The following NTRK2 variants were observed in gnomAD, a reference collection of about 807,000 sequenced individuals.
The protein encoded by NTRK2 is BDNF/NT-3 growth factors receptor.
In NTRK2, 13 loss-of-function variants were observed where a neutral mutation model predicts 94.5. The ratio of observed to expected loss-of-function variants is 0.14; its 90% confidence interval spans 0.09 to 0.22. The LOEUF (loss-of-function observed/expected upper bound fraction) is 0.22. Ranked by LOEUF, NTRK2 falls within the 10% of genes least tolerant of loss-of-function variation. The probability of loss-of-function intolerance (pLI) is 1.00; values close to 1 mark genes in which losing one functional copy is unlikely to be tolerated. For missense variants in NTRK2, 639 were observed against 1,071.2 expected (o/e 0.60, Z 5.63); for synonymous variants, 372 against 407.4 (o/e 0.91, Z 1.05).
chr9:84,813,703 C>T lies in NTRK2; in HGVS notation c.1397-47337C>T, dbSNP rs199626668. On this transcript the variant is annotated intron_variant, in intron 12 of 18. Coordinates refer to ENST00000277120, the MANE Select transcript of NTRK2 (RefSeq NM_006180.6). ...CCCATTCCCTGGTTGGTCCTACTCC[C>T]GTGTGGCCAGAGACATCCTAGCAAA... 115 of 1,066,162 alleles carry T rather than the reference C, an allele frequency of 1.1e-4. No individual in the cohort carries two copies. In the African/African-American group the frequency reaches 1.5e-3, roughly 14 times the overall value. 66.0% of individuals were successfully genotyped at this position (1,066,162 alleles called of 1,614,324 possible).
At chr9:84,914,592 G>A (rs1313090044) in intron 14 of NTRK2, among the ~76,000 whole-genome samples, 1 of 152,198 alleles carries the variant, frequency 6.6e-6, no homozygotes, top group African/African-American at 2.4e-5. Context: ...CAGTCTCCTT[G>A]TTCCTGTTGG....
chr9:84,736,905 C>T (rs1373107861), intron 9 of NTRK2, among the ~76,000 whole-genome samples: 2 of 152,214 alleles, frequency 1.3e-5, no homozygotes, highest in Admixed American at 6.5e-5. Context: ...TCAGCCTGCC[C>T]TTCTGAAAGA....
chr9:85,018,894 T>C (rs1027504185), intron 17 of NTRK2, among the ~76,000 whole-genome samples: 7 of 152,228 alleles, frequency 4.6e-5, no homozygotes, highest in Admixed American at 2.0e-4. Flanking sequence ...TATGAGCTTT[T>C]TGTTTATTAA....
chr9:84,926,161 CCTTCCTTCCTTTCTTTCTTT>C (rs1564471007), intron 14 of NTRK2, among the ~76,000 whole-genome samples: 1,275 of 62,814 alleles, frequency 0.02, 8 homozygotes, highest in Non-Finnish European at 0.027. Context: ...TTCCTTCCTT[CCTTCCTTCCTTTCTTTCTTT>C]CTTTCTTTCT....
At chr9:84,961,729 TC>T (rs1302329574) in intron 17 of NTRK2, among the ~76,000 whole-genome samples, 1 of 152,212 alleles carries the variant, frequency 6.6e-6, no homozygotes, top group Non-Finnish European at 1.5e-5. Flanking sequence ...TTTGAGGAGT[TC>T]CCAGACATTT....
At chr9:84,802,667 A>G (rs2070637517) in intron 12 of NTRK2, among the ~76,000 whole-genome samples, 1 of 152,214 alleles carries the variant, frequency 6.6e-6, no homozygotes, top group Non-Finnish European at 1.5e-5. Context: ...GTCGGAACAT[A>G]TATAAGGCTG....
intron 9 of NTRK2, among the ~76,000 whole-genome samples, chr9:84,737,146 G>A (rs1270201005): frequency 1.3e-5 from 2 of 152,148 alleles, no homozygotes; most frequent in African/African-American, 4.8e-5. Flanking sequence ...GAGCATTAGA[G>A]GGAGACTAAA....
intron 17 of NTRK2, among the ~76,000 whole-genome samples, chr9:85,010,036 G>A (rs1831389234): frequency 2.0e-5 from 3 of 152,204 alleles, no homozygotes; most frequent in African/African-American, 7.2e-5. Flanking sequence ...GATTGATGGT[G>A]GGACAGCTAC....
At chr9:84,743,925 T>G (rs891214512) in intron 10 of NTRK2, among the ~76,000 whole-genome samples, 2 of 152,250 alleles carry the variant, frequency 1.3e-5, no homozygotes, top group Admixed American at 6.5e-5. Context: ...TAGATTTTTT[T>G]CTGTTATTTT....
intron 17 of NTRK2, among the ~76,000 whole-genome samples, chr9:85,012,050 G>A (rs899952566): frequency 8.0e-5 from 12 of 149,876 alleles, no homozygotes; most frequent in South Asian, 4.2e-4. Flanking sequence ...GTGCAGGGGC[G>A]CGATCTCGGC....
At chr9:84,920,374 C>T (rs1233642160) in intron 14 of NTRK2, among the ~76,000 whole-genome samples, 4 of 151,916 alleles carry the variant, frequency 2.6e-5, no homozygotes, top group African/African-American at 4.8e-5. Flanking sequence ...TCCACGCGGG[C>T]GAGACTGAGA....
At chr9:84,789,927 C>T (rs2068553004) in intron 12 of NTRK2, among the ~76,000 whole-genome samples, 1 of 152,134 alleles carries the variant, frequency 6.6e-6, no homozygotes, top group South Asian at 2.1e-4. Flanking sequence ...CATTCTATTC[C>T]TCCTGGGCAA....
chr9:84,831,456 A>G (rs958257112), intron 12 of NTRK2, among the ~76,000 whole-genome samples: 9 of 152,176 alleles, frequency 5.9e-5, no homozygotes, highest in African/African-American at 2.2e-4. Context: ...CTAATAAGAA[A>G]AAATTCTAGT....
intron 17 of NTRK2, among the ~76,000 whole-genome samples, chr9:85,012,002 C>T (rs202054284): frequency 0.016 from 102 of 6,192 alleles, no homozygotes; most frequent in East Asian, 0.023. Context: ...TTTTATTTTA[C>T]TTTTGAGATG....
At chr9:84,837,841 C>CAACA (rs1293457452) in intron 12 of NTRK2, among the ~76,000 whole-genome samples, 1 of 151,960 alleles carries the variant, frequency 6.6e-6, no homozygotes, top group Non-Finnish European at 1.5e-5. Context: ...TGTCATATAC[C>CAACA]AACAGTCACC....
At chr9:84,731,673 C>G (rs1236798539) in intron 9 of NTRK2, among the ~76,000 whole-genome samples, 2 of 152,062 alleles carry the variant, frequency 1.3e-5, no homozygotes, top group Non-Finnish European at 2.9e-5. Context: ...GACGAGGTGG[C>G]AGACACTCTG....
intron 8 of NTRK2, among the ~76,000 whole-genome samples, chr9:84,726,369 C>T (rs1738306914): frequency 6.6e-6 from 1 of 152,168 alleles, no homozygotes; most frequent in African/African-American, 2.4e-5. Context: ...CGCCTGTAAT[C>T]CAAGCTACTC....
chr9:84,925,237 C>G (rs1188557373), intron 14 of NTRK2, among the ~76,000 whole-genome samples: 2 of 145,556 alleles, frequency 1.4e-5, no homozygotes, highest in African/African-American at 5.2e-5. Context: ...ATTTCTGACC[C>G]TCAACTATTC....
chr9:84,719,789 C>G (rs369938826), intron 6 of NTRK2, among the ~76,000 whole-genome samples: 1 of 151,878 alleles, frequency 6.6e-6, no homozygotes, highest in African/African-American at 2.4e-5. Context: ...GAGGCTGAGG[C>G]GGGTCGAGTG....
Sources: gnomAD v4.1 joint callset for allele counts (sites outside exome capture counted in the v4.1 genomes callset) on GRCh38, gnomAD v4.1.1 for gene constraint, MANE v1.5 for transcripts, NCBI Gene and HGNC (gene_info 2026-07-23, HGNC 2026-07-21) for gene names.